Variants in DENND5A observed in about 807,000 individuals in gnomAD.
DENND5A encodes the protein DENN domain containing 5A, also known as DENN domain-containing protein 5A.
DENND5A carries 64 observed loss-of-function variants against 140.3 expected under a neutral mutation model. The ratio of observed to expected loss-of-function variants is 0.46; its 90% CI spans 0.37 to 0.56. The LOEUF (loss-of-function observed/expected upper bound fraction) is 0.56, where lower values mean the gene tolerates loss of function less well. Ranked by LOEUF, DENND5A falls within the 20% of genes least tolerant of loss-of-function variation. DENND5A has a pLI of 0.00. For synonymous variants in DENND5A, 605 were observed against 607.7 expected, an observed-to-expected ratio of 1.00 and a Z score of 0.07; for missense variants, 1,292 against 1,593.8, an observed-to-expected ratio of 0.81 and a Z score of 3.22.
chr11:9,141,915 A>G (rs1847255888), intron 22 of DENND5A, 25 bp downstream of exon 22: 3 of 1,553,998 alleles, frequency 1.9e-6, no homozygotes, highest in Non-Finnish European at 2.6e-6. Context: ...ACCGCTGTGC[A>G]CTCTGGGCCC....
At chr11:9,178,500 T>TAA (rs34618516) in intron 7 of DENND5A, 134 bp from the exon 8 acceptor site, 708 of 529,780 alleles carry the variant, frequency 1.3e-3, no homozygotes, top group Non-Finnish European at 1.6e-3. Flanking sequence ...ATCTCTACAT[T>TAA]AAAAAAAAAA....
intron 4 of DENND5A, among the ~76,000 whole-genome samples, chr11:9,195,886 G>A (rs530650339): frequency 6.6e-6 from 1 of 151,824 alleles, no homozygotes; most frequent in African/African-American, 2.4e-5. Context: ...AAGTGACATT[G>A]TCTCAAAAAA....
chr11:9,139,756 A>G lies in DENND5A; in HGVS notation c.3779T>C (p.Val1260Ala), dbSNP rs1480217214. Residue 1260 changes from valine to alanine, a missense_variant, in exon 23 of 23, where the codon GTC (valine) becomes GCC (alanine). Val to Ala is a moderately conservative substitution (Grantham distance 64). Coordinates refer to ENST00000328194, the MANE Select transcript of DENND5A (RefSeq NM_015213.4). ...CTGCAGCACACGAATCAAGGAATTGACAAGTGTATGGTCTTTGATCAGTGC... is the reference window on the plus strand; with the variant it reads ...CTGCAGCACACGAATCAAGGAATTGGCAAGTGTATGGTCTTTGATCAGTGC... ...DVALIKDHTL[V>A]NSLIRVLQTL... 1.5e-5 allele frequency: 24 copies of G among 1,613,972 alleles called. No individual in the cohort carries two copies. The highest frequency in any genetic ancestry group is 2.0e-5 in the Non-Finnish European group (24 of 1,180,014).
rs759277879 is a variant in DENND5A at position 9,142,043 on chromosome 11, T to C, written c.3577A>G (p.Thr1193Ala). The C allele has an allele frequency of 1.2e-6, 2 of 1,606,504 alleles. No homozygotes were observed. Among genetic ancestry groups the C allele is most frequent in the Non-Finnish European group, 1.7e-6 (2 of 1,176,578 alleles). The change falls in exon 22 of 23, where the codon ACA becomes GCA. Residue 1193 changes from threonine to alanine, a missense_variant. Coordinates refer to ENST00000328194, the MANE Select transcript of DENND5A (RefSeq NM_015213.4). ...NEVVPEENWH[T>A]RARNFCRFVT... ...AATCGGCAGAAGTTCCGGGCTCTTG[T>C]ATGCCAGTTTTCCTCAGGGACTACT...
chr11:9,227,126 C>T lies in DENND5A; in HGVS notation c.110-19494G>A, dbSNP rs371331782. 1.1e-4 allele frequency among the ~76,000 whole-genome samples: 17 copies of T among 151,844 alleles called. No homozygotes were observed. The South Asian group carries it at 1.9e-3, about 17-fold the overall frequency. On this transcript the variant is annotated intron_variant, in intron 1 of 22. Transcript: ENST00000328194. ...GAGGTTACAGTAAGGTGAGATCACG[C>T]CATTGTACTCCAGCCTGGGCAACAA...
chr11:9,139,989 T>G lies in DENND5A; in HGVS notation c.3681-135A>C. The G allele has an allele frequency of 3.9e-6, 4 of 1,017,624 alleles. No homozygotes were observed. The South Asian group carries it at 4.8e-5, about 12-fold the overall frequency. 63.0% of individuals were successfully genotyped at this position (1,017,624 alleles called of 1,614,324 possible). On this transcript the variant is annotated intron_variant, in intron 22 of 22. Coordinates refer to ENST00000328194, the MANE Select transcript of DENND5A (RefSeq NM_015213.4). Reference sequence around the variant, plus strand: ...AGCTGACAGCCCCCCACACCCCCCTTTCCCAAACAGGGACTGGCAAAGAGG... The same window carrying G: ...AGCTGACAGCCCCCCACACCCCCCTGTCCCAAACAGGGACTGGCAAAGAGG...
intron 8 of DENND5A, among the ~76,000 whole-genome samples, chr11:9,176,329 G>A (rs1848544237): frequency 6.6e-6 from 1 of 152,190 alleles, no homozygotes; most frequent in African/African-American, 2.4e-5. Flanking sequence ...GCATCTGGTA[G>A]GTAGTTATAA....
chr11:9,165,507 AT>A (rs1656418302), intron 11 of DENND5A, among the ~76,000 whole-genome samples: 1 of 151,938 alleles, frequency 6.6e-6, no homozygotes, highest in African/African-American at 2.4e-5. Context: ...TGGTGCCATC[AT>A]AGCTCACTGT....
Position 9,181,007 on chromosome 11 carries a change from C to T in DENND5A, c.1215G>A (p.Leu405=). The change falls in exon 6 of 23, where the codon TTG becomes TTA. Residue 405 remains leucine, a synonymous_variant. Transcript: ENST00000328194. ...TCTCAGAGACTTCCTGGACAAACTC[C>T]AATTTGTTGGGGAACTGTGGCAAGT... The part of the protein sequence containing the change: ...PEDLPQFPNK[L]EFVQEVSEIL... 1.9e-6 allele frequency: 3 copies of T among 1,614,164 alleles called. No homozygotes were observed. The highest frequency in any genetic ancestry group is 4.5e-5 in the East Asian group (2 of 44,874).
chr11:9,141,417 C>T (rs1233343581), intron 22 of DENND5A, among the ~76,000 whole-genome samples: 3 of 152,162 alleles, frequency 2.0e-5, no homozygotes, highest in African/African-American at 7.2e-5. Flanking sequence ...TAGACAGTTT[C>T]GTCACCATGC....
intron 12 of DENND5A, among the ~76,000 whole-genome samples, chr11:9,157,384 T>C (rs150094977): frequency 0.014 from 2,058 of 152,322 alleles, 43 homozygotes; most frequent in African/African-American, 0.046. Flanking sequence ...GTTATATAGG[T>C]AAACTGCGTA....
At chr11:9,163,209 T>G (rs1168585414) in intron 11 of DENND5A, among the ~76,000 whole-genome samples, 2 of 152,212 alleles carry the variant, frequency 1.3e-5, no homozygotes, top group Admixed American at 6.5e-5. Flanking sequence ...AAACTTCTTG[T>G]ACATATCTCT....
At chr11:9,171,601 C>T (rs571728712) in intron 8 of DENND5A, 49 of 152,174 alleles carry the variant, frequency 3.2e-4, no homozygotes, top group African/African-American at 1.1e-3. Context: ...TAGCTTACGC[C>T]TGTAATCCCA....
chr11:9,257,607 G>A (rs1485251334), intron 1 of DENND5A, among the ~76,000 whole-genome samples: 1 of 149,390 alleles, frequency 6.7e-6, no homozygotes, highest in East Asian at 2.0e-4. Flanking sequence ...TCAGCCTCCT[G>A]AGTAGCTGGG....
intron 8 of DENND5A, among the ~76,000 whole-genome samples, chr11:9,173,935 C>T (rs771232617): frequency 6.6e-6 from 1 of 151,470 alleles, no homozygotes; most frequent in African/African-American, 2.4e-5. Context: ...CCCGTCTCTA[C>T]TAAAAATACA....
intron 4 of DENND5A, among the ~76,000 whole-genome samples, chr11:9,194,878 C>T (rs1346399619): frequency 1.3e-5 from 2 of 151,240 alleles, no homozygotes; most frequent in East Asian, 2.0e-4. Flanking sequence ...CACCACCGCA[C>T]CTGGCTAATT....
intron 1 of DENND5A, among the ~76,000 whole-genome samples, chr11:9,254,057 G>C (rs979817005): frequency 6.6e-6 from 1 of 151,598 alleles, no homozygotes. Flanking sequence ...TCAGGAGGCC[G>C]AGGCAGGAGA....
intron 8 of DENND5A, 131 bp downstream of exon 8, chr11:9,178,001 G>T: frequency 1.4e-6 from 1 of 708,790 alleles, no homozygotes; most frequent in Non-Finnish European, 2.5e-6. Flanking sequence ...AAACAAGGAA[G>T]AAGACTGCAG....
At chr11:9,149,742 C>T (rs1847550119) in intron 15 of DENND5A, among the ~76,000 whole-genome samples, 2 of 152,182 alleles carry the variant, frequency 1.3e-5, no homozygotes, top group South Asian at 4.1e-4. Flanking sequence ...CCTTTGCTCC[C>T]CAGAACAGGA....
Sources: allele counts gnomAD v4.1 joint callset (sites outside exome capture counted in the v4.1 genomes callset), GRCh38; gene constraint gnomAD v4.1.1; transcripts MANE v1.5; gene names NCBI Gene and HGNC (gene_info 2026-07-23, HGNC 2026-07-21).